The following BABAM2 variants were observed in gnomAD, a reference collection of about 807,000 sequenced individuals.
BABAM2 encodes the protein BRISC and BRCA1-A complex member 2.
Under a neutral mutation model 54.7 loss-of-function variants are expected in BABAM2, and 31 were observed. The observed-to-expected ratio is 0.57, with a 90% confidence interval of 0.43 to 0.77. The LOEUF (loss-of-function observed/expected upper bound fraction) is 0.77, where lower values mean the gene tolerates loss of function less well. Among genes scored for constraint, BABAM2 ranks in the 30% least tolerant of loss-of-function variants. The pLI is 0.00. For missense variants in BABAM2, 364 were observed against 455.8 expected (o/e 0.80, Z 1.83); for synonymous variants, 167 against 162.9 (o/e 1.03, Z -0.19).
chr2:27,900,081 G>T (rs1665661305), intron 2 of BABAM2, among the ~76,000 whole-genome samples: 1 of 152,156 alleles, frequency 6.6e-6, no homozygotes, highest in Non-Finnish European at 1.5e-5. Flanking sequence ...GAAAAGAATG[G>T]CTTCTTTTTG....
chr2:28,049,501 A>C (rs946855472), intron 6 of BABAM2, among the ~76,000 whole-genome samples: 1 of 152,232 alleles, frequency 6.6e-6, no homozygotes, highest in Non-Finnish European at 1.5e-5. Context: ...TTTTATTGGC[A>C]TTATTTAATA....
intron 5 of BABAM2, among the ~76,000 whole-genome samples, chr2:28,036,992 A>G (rs920492531): frequency 6.6e-5 from 10 of 152,196 alleles, no homozygotes; most frequent in Non-Finnish European, 1.3e-4. Context: ...CTCAGTAAAT[A>G]TTTGTTCAAT....
intron 3 of BABAM2, among the ~76,000 whole-genome samples, chr2:27,957,705 C>T (rs768932451): frequency 6.6e-6 from 1 of 152,118 alleles, no homozygotes; most frequent in Non-Finnish European, 1.5e-5. Context: ...TTTCCCATTC[C>T]ACATGCTCTT....
chr2:28,148,565 G>A (rs1340087825), intron 7 of BABAM2, among the ~76,000 whole-genome samples: 1 of 152,146 alleles, frequency 6.6e-6, no homozygotes, highest in Non-Finnish European at 1.5e-5. Flanking sequence ...TTTTGTAGCT[G>A]TCAGTTGGGC....
At chr2:28,294,627 G>C (rs748790325) in intron 10 of BABAM2, among the ~76,000 whole-genome samples, 3 of 152,222 alleles carry the variant, frequency 2.0e-5, no homozygotes, top group Non-Finnish European at 4.4e-5. Flanking sequence ...TGACTAAGTT[G>C]TACCATTCAA....
At chr2:28,150,892 A>T (rs1323717523) in intron 7 of BABAM2, among the ~76,000 whole-genome samples, 1 of 152,226 alleles carries the variant, frequency 6.6e-6, no homozygotes, top group Non-Finnish European at 1.5e-5. Context: ...TTTAAAAAAA[A>T]CAATGTGAGA....
At position 28,310,251 on chromosome 2, in the gene BABAM2, C is replaced by T. The variant is rs1446556483; in HGVS notation, c.1088+11760C>T. The T allele has an allele frequency of 5.7e-6, 7 of 1,234,952 alleles. No homozygotes were observed. In the East Asian group the frequency reaches 1.5e-4, roughly 26 times the overall value. The allele number at this position is 1,234,952 out of a possible 1,614,324, so 76.5% of individuals were successfully genotyped here. Reference sequence around the variant, plus strand: ...TGGCCATCAATTACTGCCAATACAGCCCTCATCCCAGAGGAAGCCACTCAC... The same window carrying T: ...TGGCCATCAATTACTGCCAATACAGTCCTCATCCCAGAGGAAGCCACTCAC... On this transcript the variant is annotated intron_variant, in intron 11 of 11. Transcript: ENST00000379624.
rs527750659 is a variant in BABAM2, at chr2:28,318,448, G to T, written c.1088+19957G>T. Among the ~76,000 whole-genome samples the T allele has an allele frequency of 1.1e-3, 166 of 152,290 alleles. 1 individual carries two copies. The highest frequency in any genetic ancestry group is 1.8e-3 in the Non-Finnish European group (123 of 68,032). On this transcript the variant is annotated intron_variant, in intron 11 of 11. Coordinates refer to ENST00000379624, the MANE Select transcript of BABAM2 (RefSeq NM_199191.3). ...TGGAAGCTGCAAATATTGATTATCT[G>T]GTCCTTTACAGAAAGAGTTTGCTGA...
At chr2:28,162,082 A>G (rs1483055980) in intron 7 of BABAM2, among the ~76,000 whole-genome samples, 1 of 152,236 alleles carries the variant, frequency 6.6e-6, no homozygotes, top group Non-Finnish European at 1.5e-5. Context: ...GTGATTTCAA[A>G]TGAAACCTTT....
chr2:28,165,092 G>T (rs1212036561), intron 7 of BABAM2, among the ~76,000 whole-genome samples: 1 of 152,202 alleles, frequency 6.6e-6, no homozygotes, highest in Non-Finnish European at 1.5e-5. Context: ...AGAGGAATCA[G>T]TGATAAGCAA....
Position 27,894,766 on chromosome 2 carries a change from T to G in BABAM2, c.128+82T>G, listed in dbSNP as rs1189604044. On this transcript the variant is annotated intron_variant, in intron 2 of 11. Coordinates refer to ENST00000379624, the MANE Select transcript of BABAM2 (RefSeq NM_199191.3). ...TGACAGCCCTTCCTTACCAGACTCATAAAAATTGACTGCCACAGAAACCCA... is the reference window on the plus strand; with the variant it reads ...TGACAGCCCTTCCTTACCAGACTCAGAAAAATTGACTGCCACAGAAACCCA... 7.8e-6 allele frequency: 12 copies of G among 1,536,130 alleles called. No individual in the cohort carries two copies. In the African/African-American group the frequency reaches 1.5e-4, roughly 19 times the overall value.
At chr2:28,229,971 A>G (rs1227958271) in intron 7 of BABAM2, among the ~76,000 whole-genome samples, 1 of 152,224 alleles carries the variant, frequency 6.6e-6, no homozygotes, top group Non-Finnish European at 1.5e-5. Context: ...ACTTTGCTCC[A>G]AGGAGGAATG....
chr2:27,912,529 T>C (rs1666678169), intron 2 of BABAM2, among the ~76,000 whole-genome samples: 1 of 152,200 alleles, frequency 6.6e-6, no homozygotes, highest in Admixed American at 6.5e-5. Context: ...AGAAAAGGAT[T>C]CTGAGAACCA....
intron 5 of BABAM2, among the ~76,000 whole-genome samples, chr2:28,042,261 AG>A (rs1441726564): frequency 6.6e-6 from 1 of 152,228 alleles, no homozygotes; most frequent in Non-Finnish European, 1.5e-5. Flanking sequence ...ATTTAAAAAA[AG>A]GTCTGGGATG....
At chr2:27,999,861 A>T (rs190450036) in intron 4 of BABAM2, among the ~76,000 whole-genome samples, 443 of 152,318 alleles carry the variant, frequency 2.9e-3, no homozygotes, top group Non-Finnish European at 5.0e-3. Context: ...GGATCTTTAA[A>T]TTAATTATTT....
chr2:27,933,724 A>G (rs979496376), intron 3 of BABAM2, among the ~76,000 whole-genome samples: 3 of 151,012 alleles, frequency 2.0e-5, no homozygotes, highest in African/African-American at 7.3e-5. Flanking sequence ...CAGCCTCCCA[A>G]AATGCTGGGA....
At chr2:28,101,350 C>G (rs1667065860) in intron 6 of BABAM2, among the ~76,000 whole-genome samples, 1 of 152,024 alleles carries the variant, frequency 6.6e-6, no homozygotes, top group Non-Finnish European at 1.5e-5. Context: ...CAGAGTTTGT[C>G]TTTTTTTAGA....
intron 7 of BABAM2, among the ~76,000 whole-genome samples, chr2:28,149,276 A>G (rs1456376752): frequency 6.6e-6 from 1 of 152,098 alleles, no homozygotes; most frequent in Non-Finnish European, 1.5e-5. Context: ...GGGTACGAAG[A>G]CTCAGCTCCT....
At chr2:28,001,708 A>C (rs1673590240) in intron 4 of BABAM2, among the ~76,000 whole-genome samples, 1 of 152,150 alleles carries the variant, frequency 6.6e-6, no homozygotes, top group East Asian at 1.9e-4. Flanking sequence ...GCAGAAGGCA[A>C]AGGGGAAGTA....
Sources: allele counts gnomAD v4.1 joint callset (sites outside exome capture counted in the v4.1 genomes callset), GRCh38; gene constraint gnomAD v4.1.1; transcripts MANE v1.5; gene names NCBI Gene and HGNC (gene_info 2026-07-23, HGNC 2026-07-21).